The following UBE2Q2 variants were observed in gnomAD, a reference collection of about 807,000 sequenced individuals.
UBE2Q2 encodes ubiquitin conjugating enzyme E2 Q2, also known as ubiquitin-conjugating enzyme E2 Q2.
In UBE2Q2, 54 loss-of-function variants were observed where a neutral mutation model predicts 59.9. The ratio of observed to expected loss-of-function variants is 0.90; its 90% CI spans 0.72 to 1.13. The LOEUF (loss-of-function observed/expected upper bound fraction) is 1.13. Among genes scored for constraint, UBE2Q2 ranks in the 50% most tolerant of loss-of-function variants. UBE2Q2 has a pLI of 0.00. For missense variants in UBE2Q2, 433 were observed against 441.9 expected, an observed-to-expected ratio of 0.98 and a Z score of 0.18; for synonymous variants, 165 against 155.2, an observed-to-expected ratio of 1.06 and a Z score of -0.47.
intron 2 of UBE2Q2, among the ~76,000 whole-genome samples, chr15:75,858,420 C>G (rs1159986127): frequency 6.6e-6 from 1 of 152,116 alleles, no homozygotes; most frequent in Non-Finnish European, 1.5e-5. Context: ...ACTAGTCACC[C>G]ATACCCAAAC....
chr15:75,844,892 G>A (rs1896250959), intron 1 of UBE2Q2, among the ~76,000 whole-genome samples: 1 of 151,858 alleles, frequency 6.6e-6, no homozygotes, highest in African/African-American at 2.4e-5. Context: ...GGTGGCTGGC[G>A]TTTGCAAAAA....
At position 75,854,464 on chromosome 15, in the gene UBE2Q2, G is replaced by A. The variant is rs1299831693; in HGVS notation, c.259G>A (p.Glu87Lys). The A allele has an allele frequency of 5.6e-6, 9 of 1,611,710 alleles. No homozygotes were observed. Among genetic ancestry groups the A allele is most frequent in the Middle Eastern group, 1.6e-4 (1 of 6,066 alleles). Residue 87 changes from glutamate to lysine, a missense_variant, in exon 2 of 13, where the codon GAA becomes AAA. By Grantham distance (56) the Glu-to-Lys change is moderately conservative. Coordinates refer to ENST00000267938, the MANE Select transcript of UBE2Q2 (RefSeq NM_173469.4). ...TCTGACATCAGTTCTGGAACGTCTA[G>A]AAGATACTAAGAACAACAATTTGGT... ...PNLTSVLERL[E>K]DTKNNNLLRQ...
intron 3 of UBE2Q2, among the ~76,000 whole-genome samples, chr15:75,863,225 C>G (rs1438648977): frequency 2.0e-5 from 3 of 152,168 alleles, no homozygotes; most frequent in Admixed American, 6.5e-5. Flanking sequence ...GTCAATATCC[C>G]CCTAACCTCC....
intron 4 of UBE2Q2, among the ~76,000 whole-genome samples, 189 bp downstream of exon 4, chr15:75,869,199 C>T (rs1897659642): frequency 2.0e-5 from 3 of 152,150 alleles, no homozygotes; most frequent in Non-Finnish European, 4.4e-5. Flanking sequence ...GCAAATTTAT[C>T]TGAATTCTTT....
At chr15:75,883,488 G>A (rs1898567595) in intron 9 of UBE2Q2, 64 bp downstream of exon 9, 1 of 1,173,232 alleles carries the variant, frequency 8.5e-7, no homozygotes, top group Admixed American at 1.9e-5. Context: ...TTTTTATAGG[G>A]ACGAGATCTC....
At chr15:75,858,367 A>G (rs1007198622) in intron 2 of UBE2Q2, among the ~76,000 whole-genome samples, 11 of 152,094 alleles carry the variant, frequency 7.2e-5, no homozygotes, top group Admixed American at 6.5e-4. Flanking sequence ...GTTTTTTCTC[A>G]GTAATTCTTG....
In UBE2Q2 at chr15:75,900,907, G is replaced by C. The variant is rs1899719179; in HGVS notation, c.*1449G>C. 6.6e-6 allele frequency: 1 copy of C among 152,620 alleles called. No homozygotes were observed. Among genetic ancestry groups the C allele is most frequent in the Admixed American group, 6.5e-5 (1 of 15,284 alleles). The allele number at this position is 152,620 out of a possible 1,614,324, so 9.5% of individuals were successfully genotyped here. A position where few individuals can be genotyped will look rare whatever the true frequency, so the allele number is the denominator to read the frequency against. ...ACATTGTTGAATTCTTTAATATCCT[G>C]ATGGCAAGCAGACTGATAGCTGCAC... On this transcript the variant is annotated 3_prime_UTR_variant, in exon 13 of 13. Transcript: ENST00000267938.
intron 5 of UBE2Q2, among the ~76,000 whole-genome samples, chr15:75,874,697 A>G (rs988275964): frequency 1.3e-5 from 2 of 152,252 alleles, no homozygotes; most frequent in Non-Finnish European, 2.9e-5. Context: ...ATGGCTAGAC[A>G]GTACATACCT....
intron 4 of UBE2Q2, among the ~76,000 whole-genome samples, chr15:75,871,362 T>C (rs1897778486): frequency 1.3e-5 from 2 of 152,340 alleles, no homozygotes; most frequent in Admixed American, 6.5e-5. Context: ...GCAAGAGGCA[T>C]GCCTTCCTCT....
intron 2 of UBE2Q2, among the ~76,000 whole-genome samples, chr15:75,856,246 C>CGTGTGTGTGTGTGTGTGT (rs370925975): frequency 1.2e-3 from 160 of 135,636 alleles, no homozygotes; most frequent in African/African-American, 2.2e-3. Context: ...TGTGTATATA[C>CGTGTGTGTGTGTGTGTGT]GTGTGTGTGT....
chr15:75,871,527 C>A (rs553098611), intron 4 of UBE2Q2, among the ~76,000 whole-genome samples: 4 of 152,290 alleles, frequency 2.6e-5, no homozygotes, highest in African/African-American at 9.6e-5. Flanking sequence ...TGCGGCCTTC[C>A]GCAGTGTTTG....
intron 1 of UBE2Q2, among the ~76,000 whole-genome samples, chr15:75,852,292 T>G (rs150615997): frequency 1.1e-3 from 160 of 152,338 alleles, no homozygotes; most frequent in African/African-American, 3.6e-3. Context: ...CCGCCTTTAT[T>G]TGTGCTAAAG....
chr15:75,867,362 T>C (rs1258459039), intron 3 of UBE2Q2, among the ~76,000 whole-genome samples: 2 of 152,224 alleles, frequency 1.3e-5, no homozygotes, highest in African/African-American at 4.8e-5. Flanking sequence ...AAGTGGTCCC[T>C]GCATTATTTG....
chr15:75,847,841 C>G (rs1424024854), intron 1 of UBE2Q2, among the ~76,000 whole-genome samples: 3 of 152,078 alleles, frequency 2.0e-5, no homozygotes, highest in African/African-American at 7.2e-5. Context: ...ACAAATGAAA[C>G]TTCATTTTTT....
intron 12 of UBE2Q2, among the ~76,000 whole-genome samples, chr15:75,897,618 G>A (rs1178122720): frequency 2.0e-5 from 3 of 147,400 alleles, no homozygotes; most frequent in Non-Finnish European, 4.5e-5. Flanking sequence ...TTTTTTAGTA[G>A]ATTAATGAAT....
chr15:75,898,844 A>G (rs889793570), intron 12 of UBE2Q2, among the ~76,000 whole-genome samples: 1 of 152,232 alleles, frequency 6.6e-6, no homozygotes, highest in African/African-American at 2.4e-5. Context: ...AGTCATCTTT[A>G]GCTAGAGATG....
intron 1 of UBE2Q2, among the ~76,000 whole-genome samples, chr15:75,852,293 TGTGC>T (rs1321194978): frequency 6.6e-6 from 1 of 152,220 alleles, no homozygotes; most frequent in Non-Finnish European, 1.5e-5. Context: ...CGCCTTTATT[TGTGC>T]TAAAGTGCCA....
intron 1 of UBE2Q2, among the ~76,000 whole-genome samples, chr15:75,847,418 G>A (rs1389608611): frequency 3.3e-5 from 5 of 152,170 alleles, no homozygotes; most frequent in Non-Finnish European, 5.9e-5. Flanking sequence ...GTTTTACTCT[G>A]TAGGCCAAGG....
chr15:75,886,212 C>A (rs1363566165), intron 9 of UBE2Q2, among the ~76,000 whole-genome samples: 3 of 151,994 alleles, frequency 2.0e-5, no homozygotes, highest in Non-Finnish European at 4.4e-5. Context: ...CTATGCCTCC[C>A]GGGTTCAAGC....
Sources: gnomAD v4.1 joint callset for allele counts (sites outside exome capture counted in the v4.1 genomes callset) on GRCh38, gnomAD v4.1.1 for gene constraint, MANE v1.5 for transcripts, NCBI Gene and HGNC (gene_info 2026-07-23, HGNC 2026-07-21) for gene names.